Variants in RNF150 observed in about 807,000 individuals in gnomAD.
RNF150 encodes the protein ring finger protein 150.
In RNF150, 24 loss-of-function variants were observed where a neutral mutation model predicts 39.3. The observed-to-expected ratio is 0.61, with a 90% CI of 0.44 to 0.86. RNF150 has a LOEUF of 0.86. Among genes scored for constraint, RNF150 ranks in the 40% least tolerant of loss-of-function variants. RNF150 has a pLI of 0.00. For missense variants in RNF150, 502 were observed against 587.8 expected, an observed-to-expected ratio of 0.85 and a Z score of 1.51; for synonymous variants, 255 against 227.3, an observed-to-expected ratio of 1.12 and a Z score of -1.10.
At chr4:141,004,022 A>G (rs1006338488) in intron 1 of RNF150, among the ~76,000 whole-genome samples, 2 of 152,156 alleles carry the variant, frequency 1.3e-5, no homozygotes, top group Non-Finnish European at 1.5e-5. Flanking sequence ...CAGATTCTGA[A>G]TTCAGTCTAC....
At chr4:140,893,685 G>T (rs1729840053) in intron 6 of RNF150, among the ~76,000 whole-genome samples, 1 of 152,170 alleles carries the variant, frequency 6.6e-6, no homozygotes, top group African/African-American at 2.4e-5. Context: ...AGCTGGCAGT[G>T]GTGGGGGTGT....
chr4:141,167,490 A>C (rs2111167280), intron 1 of RNF150, among the ~76,000 whole-genome samples: 1 of 152,182 alleles, frequency 6.6e-6, no homozygotes, highest in African/African-American at 2.4e-5. Flanking sequence ...TAGCCAAGAC[A>C]ATTTTAAACA....
chr4:141,196,654 T>C (rs1578792266), intron 1 of RNF150, among the ~76,000 whole-genome samples: 1 of 152,086 alleles, frequency 6.6e-6, no homozygotes, highest in South Asian at 2.1e-4. Flanking sequence ...TCAGTTCTAG[T>C]AACTATTTTA....
At chr4:141,064,934 C>T (rs1003548184) in intron 1 of RNF150, among the ~76,000 whole-genome samples, 2 of 152,176 alleles carry the variant, frequency 1.3e-5, no homozygotes, top group Non-Finnish European at 2.9e-5. Context: ...GGCACGATCT[C>T]CGCTCACTGC....
At chr4:141,115,422 A>G (rs917774707) in intron 1 of RNF150, among the ~76,000 whole-genome samples, 1 of 152,210 alleles carries the variant, frequency 6.6e-6, no homozygotes, top group African/African-American at 2.4e-5. Context: ...ATACCTAAGA[A>G]TACAACTTAC....
chr4:141,113,337 T>TA (rs35017497), intron 1 of RNF150, among the ~76,000 whole-genome samples: 2,220 of 139,068 alleles, frequency 0.016, 51 homozygotes, highest in African/African-American at 0.054. Flanking sequence ...AATGGAAAGT[T>TA]AAAAAAAAAA....
intron 1 of RNF150, among the ~76,000 whole-genome samples, chr4:141,082,629 C>G (rs1485079953): frequency 6.6e-6 from 1 of 151,886 alleles, no homozygotes; most frequent in East Asian, 1.9e-4. Flanking sequence ...CGCTCTGTCG[C>G]CCAGGCTGGA....
chr4:140,921,543 G>A (rs1029419660), intron 5 of RNF150, among the ~76,000 whole-genome samples: 1 of 152,120 alleles, frequency 6.6e-6, no homozygotes, highest in Non-Finnish European at 1.5e-5. Context: ...AGAGGTACAA[G>A]GAGGAGCTGG....
At chr4:140,906,813 G>T (rs1423623878) in intron 6 of RNF150, among the ~76,000 whole-genome samples, 1 of 152,092 alleles carries the variant, frequency 6.6e-6, no homozygotes, top group Non-Finnish European at 1.5e-5. Context: ...GCCAAGAGTT[G>T]GTTCCCTCTA....
At chr4:141,013,344 G>C (rs548596836) in intron 1 of RNF150, among the ~76,000 whole-genome samples, 2 of 152,148 alleles carry the variant, frequency 1.3e-5, no homozygotes, top group Non-Finnish European at 2.9e-5. Context: ...AAGAGGTACT[G>C]TTCTTTCTAT....
At chr4:140,951,142 C>G in intron 2 of RNF150, among the ~76,000 whole-genome samples, 1 of 152,118 alleles carries the variant, frequency 6.6e-6, no homozygotes, top group Non-Finnish European at 1.5e-5. Flanking sequence ...CAACAAGATC[C>G]CTCTCATCTA....
intron 1 of RNF150, among the ~76,000 whole-genome samples, chr4:141,182,091 T>C (rs565574216): frequency 2.3e-4 from 35 of 151,768 alleles, no homozygotes; most frequent in African/African-American, 8.5e-4. Context: ...CATGATTATC[T>C]CAATAGATGC....
At chr4:140,928,709 G>T (rs1731495135) in intron 4 of RNF150, among the ~76,000 whole-genome samples, 1 of 152,090 alleles carries the variant, frequency 6.6e-6, no homozygotes, top group Non-Finnish European at 1.5e-5. Context: ...ACCACGCCCA[G>T]CTATTTTTTT....
At chr4:141,070,573 A>C (rs1164569123) in intron 1 of RNF150, among the ~76,000 whole-genome samples, 1 of 151,246 alleles carries the variant, frequency 6.6e-6, no homozygotes, top group East Asian at 1.9e-4. Flanking sequence ...TGGGCGAAGG[A>C]CATGAACAGA....
chr4:140,892,840 C>T (rs1159875523), intron 6 of RNF150, among the ~76,000 whole-genome samples: 3 of 152,000 alleles, frequency 2.0e-5, no homozygotes, highest in South Asian at 2.1e-4. Flanking sequence ...GCAGGAGGAT[C>T]GCTTGAGGCC....
chr4:141,079,956 TA>T (rs1210962066), intron 1 of RNF150, among the ~76,000 whole-genome samples: 2 of 151,992 alleles, frequency 1.3e-5, no homozygotes, highest in African/African-American at 4.8e-5. Context: ...CCATGTGAAA[TA>T]AAGCACAGAA....
intron 1 of RNF150, among the ~76,000 whole-genome samples, chr4:141,177,788 G>A (rs1218719487): frequency 6.6e-6 from 1 of 152,106 alleles, no homozygotes; most frequent in Admixed American, 6.5e-5. Context: ...GATACCTTGC[G>A]GAGGCCAGGA....
At chr4:140,947,453 A>G (rs1177596414) in intron 4 of RNF150, among the ~76,000 whole-genome samples, 1 of 152,186 alleles carries the variant, frequency 6.6e-6, no homozygotes, top group Non-Finnish European at 1.5e-5. Flanking sequence ...AGGGGATCAG[A>G]AAAATATTTC....
chr4:141,130,374 A>C (rs1726861147), intron 1 of RNF150, among the ~76,000 whole-genome samples: 1 of 152,204 alleles, frequency 6.6e-6, no homozygotes, highest in South Asian at 2.1e-4. Context: ...GCATGAATAC[A>C]TTTTTGGAAA....
Sources: allele counts gnomAD v4.1 joint callset (sites outside exome capture counted in the v4.1 genomes callset), GRCh38; gene constraint gnomAD v4.1.1; transcripts MANE v1.5; gene names NCBI Gene and HGNC (gene_info 2026-07-23, HGNC 2026-07-21).